UST: variants seen among roughly 807,000 people sequenced by gnomAD.
UST encodes chondroitin sulfate 2-O-sulfotransferase.
Under a neutral mutation model 45.6 loss-of-function variants are expected in UST, and 21 were observed. That is an observed-to-expected ratio of 0.46 (90% confidence interval 0.33 to 0.66). The LOEUF is 0.66. UST is among the 30% of genes least tolerant of loss of function. The pLI is 0.02. For synonymous variants in UST, 215 were observed against 200.6 expected (o/e 1.07, Z -0.61); for missense variants, 463 against 512.4 (o/e 0.90, Z 0.93).
chr6:148,886,581 G>A (rs1473444271), intron 1 of UST, among the ~76,000 whole-genome samples: 1 of 152,202 alleles, frequency 6.6e-6, no homozygotes, highest in African/African-American at 2.4e-5. Context: ...AGTATCTCTT[G>A]GGAACTGGTT....
At chr6:149,028,813 T>C (rs1776090062) in intron 7 of UST, among the ~76,000 whole-genome samples, 1 of 152,198 alleles carries the variant, frequency 6.6e-6, no homozygotes, top group Non-Finnish European at 1.5e-5. Flanking sequence ...GTTGAGACGT[T>C]ATTGGGGCCA....
chr6:148,839,477 A>G (rs1271757564), intron 1 of UST, among the ~76,000 whole-genome samples: 1 of 152,228 alleles, frequency 6.6e-6, no homozygotes, highest in Non-Finnish European at 1.5e-5. Flanking sequence ...ATCAAAAATG[A>G]AAGCTTATTC....
At chr6:148,893,741 G>A (rs1779064504) in intron 2 of UST, among the ~76,000 whole-genome samples, 1 of 152,214 alleles carries the variant, frequency 6.6e-6, no homozygotes, top group Non-Finnish European at 1.5e-5. Flanking sequence ...TAAGTGGGCT[G>A]CTGGATGCTA....
intron 5 of UST, among the ~76,000 whole-genome samples, chr6:148,971,214 G>A (rs1780910550): frequency 9.7e-6 from 1 of 102,936 alleles, no homozygotes; most frequent in Non-Finnish European, 2.0e-5. Context: ...AAACTAAGTG[G>A]CCAGTCATAC....
At chr6:149,063,697 T>A (rs1282190580) in intron 7 of UST, among the ~76,000 whole-genome samples, 2 of 152,228 alleles carry the variant, frequency 1.3e-5, no homozygotes, top group Admixed American at 6.5e-5. Flanking sequence ...TCCTTGAATC[T>A]GACAGCACCC....
At chr6:148,756,174 A>G (rs1469208802) in intron 1 of UST, among the ~76,000 whole-genome samples, 2 of 151,932 alleles carry the variant, frequency 1.3e-5, no homozygotes, top group Non-Finnish European at 2.9e-5. Flanking sequence ...TGTCCCTACA[A>G]AGGACATGAG....
chr6:149,000,843 T>C (rs1040150372), intron 5 of UST, among the ~76,000 whole-genome samples: 2 of 152,130 alleles, frequency 1.3e-5, no homozygotes, highest in Middle Eastern at 3.4e-3. Context: ...CTAAGCTAAA[T>C]AAAGTTAAAG....
At chr6:148,839,673 A>G (rs2128332) in intron 1 of UST, among the ~76,000 whole-genome samples, 80,581 of 151,920 alleles carry the variant, frequency 0.53, 22,248 homozygotes, top group East Asian at 0.94. Flanking sequence ...GATCCCACCA[A>G]AAATGGATTA....
At chr6:148,951,876 G>A (rs942915455) in intron 3 of UST, among the ~76,000 whole-genome samples, 1 of 152,172 alleles carries the variant, frequency 6.6e-6, no homozygotes, top group African/African-American at 2.4e-5. Flanking sequence ...TCCTGAAATA[G>A]ACAGCTTTAT....
chr6:148,753,899 C>T (rs1159483051), intron 1 of UST, among the ~76,000 whole-genome samples: 10 of 151,682 alleles, frequency 6.6e-5, no homozygotes, highest in East Asian at 3.8e-4. Flanking sequence ...TATTCATTGG[C>T]GTTGTGTTTT....
At chr6:148,836,191 C>T (rs1281793424) in intron 1 of UST, among the ~76,000 whole-genome samples, 3 of 152,180 alleles carry the variant, frequency 2.0e-5, no homozygotes, top group South Asian at 2.1e-4. Flanking sequence ...CCTGCAGCTA[C>T]GTGTGCTCAA....
intron 4 of UST, among the ~76,000 whole-genome samples, chr6:148,961,614 A>G (rs1780659451): frequency 1.3e-5 from 2 of 152,266 alleles, no homozygotes; most frequent in African/African-American, 2.4e-5. Context: ...GGAAATGTGC[A>G]TAAAAGGAAA....
At chr6:148,846,735 A>T (rs1265590679) in intron 1 of UST, among the ~76,000 whole-genome samples, 2 of 152,284 alleles carry the variant, frequency 1.3e-5, no homozygotes, top group African/African-American at 2.4e-5. Flanking sequence ...TGGTGCAATA[A>T]ATATGATGCA....
intron 3 of UST, among the ~76,000 whole-genome samples, chr6:148,953,508 C>T (rs6903777): frequency 0.28 from 42,288 of 152,032 alleles, 6,420 homozygotes; most frequent in East Asian, 0.4. Flanking sequence ...ATTGGCCAGG[C>T]GCGGAGGCTC....
At chr6:149,019,018 C>A (rs1582962138) in intron 5 of UST, 121 bp from the exon 6 acceptor site, 7 of 803,192 alleles carry the variant, frequency 8.7e-6, no homozygotes, top group Non-Finnish European at 1.5e-5. Context: ...TCTGTGAATT[C>A]TCTTCATCTT....
At chr6:149,057,312 T>C (rs1276268521) in intron 7 of UST, among the ~76,000 whole-genome samples, 1 of 152,022 alleles carries the variant, frequency 6.6e-6, no homozygotes, top group Non-Finnish European at 1.5e-5. Context: ...TGTACTCCTT[T>C]ACATTCTCAG....
intron 1 of UST, among the ~76,000 whole-genome samples, chr6:148,843,471 C>T (rs981511904): frequency 6.6e-6 from 1 of 152,214 alleles, no homozygotes; most frequent in African/African-American, 2.4e-5. Flanking sequence ...TTTCTGTAGC[C>T]TTTCCCAAAA....
rs1325317639 is a variant in UST, at chr6:148,941,401, T to G, written c.414T>G (p.Ile138Met). Residue 138 changes from isoleucine to methionine, a missense_variant, in exon 3 of 8, where the codon ATT becomes ATG. By Grantham distance (10) the Ile-to-Met change is conservative (BLOSUM62 1). Transcript: ENST00000367463. ...GATTTAATTTGGTCACATCAGACAT[T>G]CACAACAAAACCAGGCTTACTAAAA... ...KHGFNLVTSD[I>M]HNKTRLTKNE... 6.3e-7 allele frequency: 1 copy of G among 1,599,532 alleles called. No homozygotes were observed. Among genetic ancestry groups the G allele is most frequent in the African/African-American group, 1.4e-5 (1 of 74,038 alleles).
At chr6:148,806,054 A>G (rs1777138791) in intron 1 of UST, among the ~76,000 whole-genome samples, 1 of 150,428 alleles carries the variant, frequency 6.6e-6, no homozygotes, top group Non-Finnish European at 1.5e-5. Context: ...TGGCCTAAAT[A>G]TACATTTTGA....
Sources: gnomAD v4.1 joint callset for allele counts (sites outside exome capture counted in the v4.1 genomes callset) on GRCh38, gnomAD v4.1.1 for gene constraint, MANE v1.5 for transcripts, NCBI Gene and HGNC (gene_info 2026-07-23, HGNC 2026-07-21) for gene names.